Variants in BMPR2 observed in about 807,000 individuals in gnomAD.
BMPR2 encodes bone morphogenetic protein receptor type-2.
In BMPR2, 29 loss-of-function variants were observed where a neutral mutation model predicts 100.8. The ratio of observed to expected loss-of-function variants is 0.29; its 90% CI spans 0.21 to 0.39. The LOEUF (loss-of-function observed/expected upper bound fraction) is 0.39. BMPR2 is among the 10% of genes least tolerant of loss of function. The probability of loss-of-function intolerance (pLI) is 1.00; values close to 1 mark genes in which losing one functional copy is unlikely to be tolerated. For synonymous variants in BMPR2, 382 were observed against 442.3 expected (o/e 0.86, Z 1.71); for missense variants, 1,011 against 1,274.5 (o/e 0.79, Z 3.15).
At chr2:202,424,029 T>TG (rs1691327843) in intron 1 of BMPR2, among the ~76,000 whole-genome samples, 2 of 140,674 alleles carry the variant, frequency 1.4e-5, no homozygotes, top group African/African-American at 2.7e-5. Flanking sequence ...GACAAGATCA[T>TG]GTCACTGCCC....
At position 202,458,622 on chromosome 2, in the gene BMPR2, A is replaced by T. The variant is rs78925080; in HGVS notation, c.77-6187A>T. On this transcript the variant is annotated intron_variant, in intron 1 of 12. Transcript: ENST00000374580. ...TGAGTTTAACAGATCTTTAGAATAGATGATAACCAGTGGTGATTGTTTCTT... is the reference window on the plus strand; with the variant it reads ...TGAGTTTAACAGATCTTTAGAATAGTTGATAACCAGTGGTGATTGTTTCTT... Among the ~76,000 whole-genome samples the T allele has an allele frequency of 7.6e-4, 116 of 152,262 alleles. No homozygotes were observed. The East Asian group carries it at 0.019, about 26-fold the overall frequency.
intron 1 of BMPR2, among the ~76,000 whole-genome samples, chr2:202,378,203 C>G (rs755652668): frequency 3.3e-5 from 5 of 152,212 alleles, no homozygotes; most frequent in Admixed American, 6.5e-5. Flanking sequence ...CATTAGACTT[C>G]TAGGAGATTT....
intron 5 of BMPR2, among the ~76,000 whole-genome samples, chr2:202,517,958 G>A (rs1250057905): frequency 1.4e-5 from 2 of 142,096 alleles, no homozygotes; most frequent in Non-Finnish European, 3.0e-5. Flanking sequence ...GACTACAGGC[G>A]CCCACCACCA....
chr2:202,522,608 C>T (rs13033961), intron 7 of BMPR2, among the ~76,000 whole-genome samples: 18,074 of 152,046 alleles, frequency 0.12, 1,198 homozygotes, highest in Admixed American at 0.14. Flanking sequence ...GGCAGGTGGA[C>T]TGCTTGAGCC....
At chr2:202,529,543 A>G (rs570440163) in intron 7 of BMPR2, among the ~76,000 whole-genome samples, 21 of 152,322 alleles carry the variant, frequency 1.4e-4, no homozygotes, top group African/African-American at 4.3e-4. Context: ...GGCTTTATCC[A>G]GAGTAAGAAA....
At chr2:202,389,649 T>A (rs1469079953) in intron 1 of BMPR2, among the ~76,000 whole-genome samples, 3 of 135,620 alleles carry the variant, frequency 2.2e-5, no homozygotes, top group African/African-American at 7.6e-5. Context: ...TATAAATTTA[T>A]TTTTTTTTTT....
chr2:202,384,552 C>CTTT (rs1690380671), intron 1 of BMPR2, among the ~76,000 whole-genome samples: 2 of 56,578 alleles, frequency 3.5e-5, no homozygotes, highest in Admixed American at 2.3e-4. Flanking sequence ...TTCTTTCTTT[C>CTTT]TTTCTTTCTT....
chr2:202,528,630 C>T lies in BMPR2; in HGVS notation c.968-2164C>T, dbSNP rs143201573. Among the ~76,000 whole-genome samples, 409 of 152,348 alleles carry T rather than the reference C, an allele frequency of 2.7e-3. 3 individuals are homozygous for T. Among genetic ancestry groups the T allele is most frequent in the African/African-American group, 9.4e-3 (389 of 41,574 alleles). On this transcript the variant is annotated intron_variant, in intron 7 of 12. Coordinates refer to ENST00000374580, the MANE Select transcript of BMPR2 (RefSeq NM_001204.7). Reference sequence around the variant, plus strand: ...AACTATCTTAAATATGCTCAGAACACTTACATTAGCCTACAGTTGGCCAAA... The same window carrying T: ...AACTATCTTAAATATGCTCAGAACATTTACATTAGCCTACAGTTGGCCAAA...
At position 202,443,387 on chromosome 2, in the gene BMPR2, A is replaced by G. The variant is rs182808566; in HGVS notation, c.77-21422A>G. On this transcript the variant is annotated intron_variant, in intron 1 of 12. Transcript: ENST00000374580. ...TTTTAATTTTTTGAGGAACTTCCAT[A>G]TTGTTTTCCATAGCGGCTGCACCAT... Among the ~76,000 whole-genome samples, 289 of 150,772 alleles carry G rather than the reference A, an allele frequency of 1.9e-3. 6 individuals are homozygous for G. The highest frequency in any genetic ancestry group is 0.016 in the Admixed American group (247 of 15,246).
intron 5 of BMPR2, among the ~76,000 whole-genome samples, chr2:202,516,841 T>A (rs1368839392): frequency 6.6e-6 from 1 of 152,222 alleles, no homozygotes; most frequent in Non-Finnish European, 1.5e-5. Flanking sequence ...ATAACCTTTT[T>A]AAAGGACACT....
chr2:202,440,573 G>C lies in BMPR2; in HGVS notation c.77-24236G>C, dbSNP rs540085464. On this transcript the variant is annotated intron_variant, in intron 1 of 12. Transcript: ENST00000374580. ...CACTTCCCAGACGGGGTGGCGGCCG[G>C]GCAGAGGCTGCAATCTCGGCACTTT... Among the ~76,000 whole-genome samples the C allele has an allele frequency of 7.4e-4, 112 of 150,864 alleles. 8 individuals carry two copies. Among genetic ancestry groups the C allele is most frequent in the African/African-American group, 2.7e-3 (107 of 40,182 alleles).
intron 3 of BMPR2, among the ~76,000 whole-genome samples, chr2:202,490,134 C>T (rs1309039171): frequency 6.6e-6 from 1 of 152,176 alleles, no homozygotes; most frequent in East Asian, 1.9e-4. Flanking sequence ...TAGATTTCTG[C>T]TCGCCTTATA....
intron 3 of BMPR2, among the ~76,000 whole-genome samples, chr2:202,485,374 C>G (rs1692751538): frequency 1.3e-5 from 2 of 151,672 alleles, no homozygotes; most frequent in Non-Finnish European, 2.9e-5. Flanking sequence ...GAGTTGGTTC[C>G]TTCTGGAGGC....
chr2:202,400,627 G>A (rs1273766641), intron 1 of BMPR2, among the ~76,000 whole-genome samples: 2 of 152,114 alleles, frequency 1.3e-5, no homozygotes, highest in East Asian at 3.8e-4. Flanking sequence ...CATAGTTAAT[G>A]AGCATAATGG....
chr2:202,426,568 CAAAA>C, intron 1 of BMPR2, among the ~76,000 whole-genome samples: 1 of 58,074 alleles, frequency 1.7e-5, no homozygotes, highest in Non-Finnish European at 3.1e-5. Flanking sequence ...GTCTCCGTCT[CAAAA>C]AAAAAAAAAA....
chr2:202,559,627 A>T lies in BMPR2; in HGVS notation c.2867-69A>T, dbSNP rs1574509361. ...GAGACATTGGTTTGACCTTTTCTTG[A>T]GTTACATCCCTTACCCGTTATTTCT... On this transcript the variant is annotated intron_variant, in intron 12 of 12. Transcript: ENST00000374580. 4 of 1,535,818 alleles carry T rather than the reference A, an allele frequency of 2.6e-6. No homozygotes were observed. The East Asian group carries it at 9.3e-5, about 36-fold the overall frequency.
intron 2 of BMPR2, among the ~76,000 whole-genome samples, chr2:202,465,369 C>T (rs1272953681): frequency 1.3e-5 from 2 of 151,734 alleles, no homozygotes; most frequent in African/African-American, 4.8e-5. Flanking sequence ...GTCTGGGCAA[C>T]AGAGCAAGAC....
At chr2:202,450,831 T>C (rs1476760674) in intron 1 of BMPR2, among the ~76,000 whole-genome samples, 1 of 152,158 alleles carries the variant, frequency 6.6e-6, no homozygotes, top group Non-Finnish European at 1.5e-5. Flanking sequence ...AGATACTCTG[T>C]TTTTCATATA....
At chr2:202,523,677 G>T (rs1047133868) in intron 7 of BMPR2, among the ~76,000 whole-genome samples, 1 of 152,082 alleles carries the variant, frequency 6.6e-6, no homozygotes, top group African/African-American at 2.4e-5. Flanking sequence ...GGTGGTGCAT[G>T]CCTGTAATCC....
Sources: allele counts gnomAD v4.1 joint callset (sites outside exome capture counted in the v4.1 genomes callset), GRCh38; gene constraint gnomAD v4.1.1; transcripts MANE v1.5; gene names NCBI Gene and HGNC (gene_info 2026-07-23, HGNC 2026-07-21).